BTBD9: variants seen among roughly 807,000 people sequenced by gnomAD.
The protein encoded by BTBD9 is BTB/POZ domain-containing protein 9.
BTBD9 carries 49 observed loss-of-function variants against 64.3 expected under a neutral mutation model. The observed-to-expected ratio is 0.76, with a 90% CI of 0.61 to 0.97. The LOEUF is 0.97. Ranked by LOEUF, BTBD9 falls within the 50% of genes least tolerant of loss-of-function variation. The pLI is 0.00. For synonymous variants in BTBD9, 260 were observed against 274.7 expected, an observed-to-expected ratio of 0.95 and a Z score of 0.53; for missense variants, 598 against 762.1, an observed-to-expected ratio of 0.78 and a Z score of 2.53.
rs1776929776 is a variant in BTBD9, at chr6:38,594,041, T to A, written c.472A>T (p.Thr158Ser). 2 of 1,614,032 alleles carry A rather than the reference T, an allele frequency of 1.2e-6. No individual in the cohort carries two copies. The highest frequency in any genetic ancestry group is 1.7e-6 in the Non-Finnish European group (2 of 1,180,012). The change falls in exon 3 of 11, where the codon ACT becomes TCT. Residue 158 changes from threonine (T) to serine (S), a missense_variant. Thr to Ser is a moderately conservative substitution (Grantham distance 58, BLOSUM62 1). Transcript: ENST00000481247. ...TCCATAAACATGCAGCACATACAAG[T>A]TAACTTGGGAAGTGAGTAGAGACTG... ...VASLYSLPKL[T>S]CMCCMFMDRN...
chr6:38,282,409 C>T (rs1761548731), intron 8 of BTBD9, among the ~76,000 whole-genome samples: 1 of 152,134 alleles, frequency 6.6e-6, no homozygotes. Context: ...AAAGAGCTTC[C>T]TGTTAAATGG....
chr6:38,459,239 G>T (rs561257460), intron 6 of BTBD9, among the ~76,000 whole-genome samples: 5 of 152,074 alleles, frequency 3.3e-5, no homozygotes, highest in Non-Finnish European at 5.9e-5. Flanking sequence ...GGCTGGTCTC[G>T]AACTCCTGAC....
intron 9 of BTBD9, among the ~76,000 whole-genome samples, chr6:38,243,539 G>A (rs987222271): frequency 6.6e-6 from 1 of 152,102 alleles, no homozygotes; most frequent in Non-Finnish European, 1.5e-5. Flanking sequence ...GTCTGAATAC[G>A]AATGGAGGCA....
intron 7 of BTBD9, among the ~76,000 whole-genome samples, chr6:38,314,493 T>G (rs1762962604): frequency 6.6e-6 from 1 of 152,202 alleles, no homozygotes; most frequent in Non-Finnish European, 1.5e-5. Context: ...TTGGAAGTAT[T>G]CTCTCCACCT....
At chr6:38,408,678 C>T (rs1331635200) in intron 6 of BTBD9, among the ~76,000 whole-genome samples, 1 of 152,146 alleles carries the variant, frequency 6.6e-6, no homozygotes, top group Admixed American at 6.5e-5. Flanking sequence ...TAAACAGTTG[C>T]TGTGTAGAAT....
chr6:38,294,163 A>G (rs1354116632), intron 7 of BTBD9, among the ~76,000 whole-genome samples: 1 of 152,198 alleles, frequency 6.6e-6, no homozygotes, highest in Non-Finnish European at 1.5e-5. Flanking sequence ...AAAAGTCAGG[A>G]AACAACAGAT....
chr6:38,366,229 T>A (rs1435743909), intron 6 of BTBD9, among the ~76,000 whole-genome samples: 1 of 152,234 alleles, frequency 6.6e-6, no homozygotes, highest in Non-Finnish European at 1.5e-5. Flanking sequence ...CTTGTCTAGA[T>A]AAGAGGGTGA....
chr6:38,479,205 G>A (rs1262190651), intron 6 of BTBD9, among the ~76,000 whole-genome samples: 1 of 152,140 alleles, frequency 6.6e-6, no homozygotes, highest in Non-Finnish European at 1.5e-5. Flanking sequence ...GAACCTGACA[G>A]GCGCCCAATG....
chr6:38,304,160 C>G (rs1419300773), intron 7 of BTBD9, among the ~76,000 whole-genome samples: 1 of 151,478 alleles, frequency 6.6e-6, no homozygotes, highest in Non-Finnish European at 1.5e-5. Flanking sequence ...GTGAAATCTA[C>G]CCCAAGTCCT....
At chr6:38,616,055 G>A (rs1777777273) in intron 1 of BTBD9, among the ~76,000 whole-genome samples, 2 of 152,144 alleles carry the variant, frequency 1.3e-5, no homozygotes, top group African/African-American at 4.8e-5. Context: ...CTGACTGGAG[G>A]GAGATTCTCC....
intron 4 of BTBD9, among the ~76,000 whole-genome samples, 184 bp from the exon 5 acceptor site, chr6:38,580,621 T>C (rs1776242097): frequency 6.6e-6 from 1 of 152,158 alleles, no homozygotes; most frequent in Non-Finnish European, 1.5e-5. Flanking sequence ...AGAGGCCGGG[T>C]GCAGTGGCTC....
At chr6:38,364,267 G>A (rs9357268) in intron 6 of BTBD9, among the ~76,000 whole-genome samples, 8,649 of 152,172 alleles carry the variant, frequency 0.057, 719 homozygotes, top group East Asian at 0.34. Context: ...GAACTCCCTC[G>A]TAAAAATATT....
intron 9 of BTBD9, among the ~76,000 whole-genome samples, chr6:38,223,026 C>G (rs1251828467): frequency 6.6e-6 from 1 of 152,174 alleles, no homozygotes; most frequent in Non-Finnish European, 1.5e-5. Flanking sequence ...CCTGCCTCGC[C>G]TCTCAAGTAG....
chr6:38,316,528 A>G (rs571968621), intron 7 of BTBD9, among the ~76,000 whole-genome samples: 11 of 152,312 alleles, frequency 7.2e-5, no homozygotes, highest in African/African-American at 2.4e-4. Flanking sequence ...TAAACTGTTA[A>G]CAACACTGAT....
At chr6:38,461,520 A>G (rs149300851) in intron 6 of BTBD9, among the ~76,000 whole-genome samples, 56 of 152,298 alleles carry the variant, frequency 3.7e-4, no homozygotes, top group African/African-American at 1.3e-3. Context: ...ATCATTTAGT[A>G]TTTTATTGTA....
chr6:38,301,328 T>C (rs1458239531), intron 7 of BTBD9, among the ~76,000 whole-genome samples: 2 of 152,190 alleles, frequency 1.3e-5, no homozygotes, highest in East Asian at 1.9e-4. Flanking sequence ...TCTCGTTTTT[T>C]GTTGTGTCTC....
intron 7 of BTBD9, among the ~76,000 whole-genome samples, chr6:38,304,596 C>T (rs1184652562): frequency 6.6e-6 from 1 of 151,674 alleles, no homozygotes; most frequent in Non-Finnish European, 1.5e-5. Flanking sequence ...AATACCATCT[C>T]TCTTAATTCT....
At chr6:38,473,776 A>AT in intron 6 of BTBD9, among the ~76,000 whole-genome samples, 1 of 152,332 alleles carries the variant, frequency 6.6e-6, no homozygotes, top group East Asian at 1.9e-4. Flanking sequence ...ATAAATTGTG[A>AT]TAAGTGCTTG....
In BTBD9 at chr6:38,312,906, T is replaced by C. The variant is rs550284513; in HGVS notation, c.1265-24445A>G. On this transcript the variant is annotated intron_variant, in intron 7 of 10. Coordinates refer to ENST00000481247, the MANE Select transcript of BTBD9 (RefSeq NM_001099272.2). ...CTATTCCAGGTCTTTTGTGGTTCCA[T>C]ATAAATTTTAGGATAGTCTTTCTAT... Among the ~76,000 whole-genome samples the C allele has an allele frequency of 1.5e-4, 23 of 152,326 alleles. No individual in the cohort carries two copies. In the South Asian group the frequency reaches 3.9e-3, roughly 26 times the overall value.
Sources: gnomAD v4.1 joint callset for allele counts (sites outside exome capture counted in the v4.1 genomes callset) on GRCh38, gnomAD v4.1.1 for gene constraint, MANE v1.5 for transcripts, NCBI Gene and HGNC (gene_info 2026-07-23, HGNC 2026-07-21) for gene names.